Variants in CXADR observed in about 807,000 individuals in gnomAD.
CXADR encodes the protein CXADR cell adhesion molecule, also known as coxsackievirus and adenovirus receptor.
CXADR carries 20 observed loss-of-function variants against 40.3 expected under a neutral mutation model. The observed-to-expected ratio is 0.50, with a 90% CI of 0.35 to 0.72. The LOEUF (loss-of-function observed/expected upper bound fraction) is 0.72, where lower values mean the gene tolerates loss of function less well. Ranked by LOEUF, CXADR falls within the 30% of genes least tolerant of loss-of-function variation. The probability of loss-of-function intolerance (pLI) is 0.01; values close to 1 mark genes in which losing one functional copy is unlikely to be tolerated. For missense variants in CXADR, 332 were observed against 449.1 expected (o/e 0.74, Z 2.36); for synonymous variants, 150 against 161.3 (o/e 0.93, Z 0.53).
intron 1 of CXADR, among the ~76,000 whole-genome samples, chr21:17,537,833 C>T (rs943646141): frequency 6.6e-6 from 1 of 151,896 alleles, no homozygotes; most frequent in African/African-American, 2.4e-5. Context: ...GAAATAGTCC[C>T]TGGAGGCAGA....
the CXADR span, among the ~76,000 whole-genome samples, chr21:17,633,583 A>G: frequency 1.3e-5 from 2 of 152,208 alleles, no homozygotes; most frequent in Admixed American, 6.5e-5. Flanking sequence ...TTGTCCCCAC[A>G]TAGTCCCAGA....
chr21:17,523,897 C>T (rs966452016), intron 1 of CXADR, among the ~76,000 whole-genome samples: 1 of 151,820 alleles, frequency 6.6e-6, no homozygotes. Flanking sequence ...CTTGCTCTGT[C>T]GCCCAGGCTG....
chr21:17,601,864 A>G, the CXADR span, among the ~76,000 whole-genome samples: 1 of 152,204 alleles, frequency 6.6e-6, no homozygotes, highest in Non-Finnish European at 1.5e-5. Context: ...TGATTGAAGG[A>G]TCAGCATTAT....
the CXADR span, chr21:17,598,629 A>C: frequency 6.2e-7 from 1 of 1,613,900 alleles, no homozygotes; most frequent in Non-Finnish European, 8.5e-7. Context: ...GGTACACAGG[A>C]CTTGCGGCTG....
the CXADR span, among the ~76,000 whole-genome samples, chr21:17,631,331 C>G: frequency 6.6e-6 from 1 of 152,140 alleles, no homozygotes; most frequent in African/African-American, 2.4e-5. Context: ...AATGTCTGCT[C>G]TTACCCAGTT....
chr21:17,595,397 T>TA (rs2061491673), downstream of CXADR, among the ~76,000 whole-genome samples: 1 of 152,040 alleles, frequency 6.6e-6, no homozygotes, highest in Non-Finnish European at 1.5e-5. Context: ...CCTCTTTTTT[T>TA]ATCTCACCCT....
At chr21:17,587,728 C>T (rs1244583359) in intron 7 of CXADR, among the ~76,000 whole-genome samples, 2 of 152,012 alleles carry the variant, frequency 1.3e-5, no homozygotes, top group Non-Finnish European at 2.9e-5. Flanking sequence ...TGTGCAGAAG[C>T]TCTTTAGTTT....
At chr21:17,534,212 A>G (rs1018529627) in intron 1 of CXADR, among the ~76,000 whole-genome samples, 2 of 142,904 alleles carry the variant, frequency 1.4e-5, no homozygotes, top group African/African-American at 5.2e-5. Context: ...GTTTCAAGCG[A>G]TTCTTCTGCC....
chr21:17,599,984 A>T, the CXADR span, among the ~76,000 whole-genome samples: 1 of 152,220 alleles, frequency 6.6e-6, no homozygotes, highest in Non-Finnish European at 1.5e-5. Context: ...CTTAAATTAT[A>T]TTGCTTACTT....
intron 7 of CXADR, among the ~76,000 whole-genome samples, chr21:17,589,579 AC>A (rs567162026): frequency 1.1e-3 from 109 of 99,110 alleles, no homozygotes; most frequent in African/African-American, 8.3e-3. Context: ...TTCTAGGCAT[AC>A]CATTTTTTTT....
At chr21:17,597,617 G>C (rs918397319), downstream of CXADR, among the ~76,000 whole-genome samples, 8 of 151,288 alleles carry the variant, frequency 5.3e-5, no homozygotes, top group Admixed American at 1.3e-4. Flanking sequence ...CATAAAGCCA[G>C]GTACATGTTA....
At chr21:17,559,772 A>G (rs891366030) in intron 4 of CXADR, among the ~76,000 whole-genome samples, 1 of 142,434 alleles carries the variant, frequency 7.0e-6, no homozygotes, top group Non-Finnish European at 1.5e-5. Flanking sequence ...TTCACCTCCC[A>G]GGCTTAAGTG....
the CXADR span, among the ~76,000 whole-genome samples, chr21:17,620,128 CG>C: frequency 3.2e-3 from 486 of 152,350 alleles, 2 homozygotes; most frequent in African/African-American, 0.011. Flanking sequence ...ACTTGGCTGA[CG>C]AGTTGGCACA....
chr21:17,523,422 GGTCAGCTTTGT>G (rs1395245550), intron 1 of CXADR, among the ~76,000 whole-genome samples: 2 of 152,138 alleles, frequency 1.3e-5, no homozygotes, highest in South Asian at 2.1e-4. Context: ...GTCCTGCACA[GGTCAGCTTTGT>G]GTCAGCTTTG....
At chr21:17,546,977 G>T (rs370636467) in intron 1 of CXADR, 50 bp from the exon 2 acceptor site, 3 of 1,597,802 alleles carry the variant, frequency 1.9e-6, no homozygotes, top group Non-Finnish European at 2.6e-6. Flanking sequence ...CACTGTGTGG[G>T]CTGTCAGCGT....
At chr21:17,586,107 A>G (rs2061393820) in intron 7 of CXADR, among the ~76,000 whole-genome samples, 1 of 152,174 alleles carries the variant, frequency 6.6e-6, no homozygotes, top group African/African-American at 2.4e-5. Context: ...ATTCCTTTTC[A>G]TCTGGTCTAA....
the CXADR span, chr21:17,598,952 C>A: frequency 7.0e-6 from 5 of 718,760 alleles, no homozygotes; most frequent in Non-Finnish European, 1.1e-5. Context: ...CAGAACTTGA[C>A]CCTACACATT....
At chr21:17,528,510 A>T (rs2060628008) in intron 1 of CXADR, among the ~76,000 whole-genome samples, 1 of 151,426 alleles carries the variant, frequency 6.6e-6, no homozygotes, top group Admixed American at 6.6e-5. Context: ...GGTTCAAGCG[A>T]TTCTCCTACC....
chr21:17,554,528 C>T (rs531665418), intron 3 of CXADR, among the ~76,000 whole-genome samples: 1 of 152,194 alleles, frequency 6.6e-6, no homozygotes, highest in African/African-American at 2.4e-5. Context: ...GAGGAGAAAG[C>T]AGGGAAGTGA....
Sources: gnomAD v4.1 joint callset for allele counts (sites outside exome capture counted in the v4.1 genomes callset) on GRCh38, gnomAD v4.1.1 for gene constraint, MANE v1.5 for transcripts, NCBI Gene and HGNC (gene_info 2026-07-23, HGNC 2026-07-21) for gene names.